The following GGA2 variants were observed in gnomAD, a reference collection of about 807,000 sequenced individuals.
The protein encoded by GGA2 is golgi associated, gamma adaptin ear containing, ARF binding protein 2, also known as ADP-ribosylation factor-binding protein GGA2.
In GGA2, 48 loss-of-function variants were observed where a neutral mutation model predicts 79.5. That is an observed-to-expected ratio of 0.60 (90% CI 0.48 to 0.77). The LOEUF is 0.77. Among genes scored for constraint, GGA2 ranks in the 30% least tolerant of loss-of-function variants. GGA2 has a pLI of 0.00. For missense variants in GGA2, 770 were observed against 774.0 expected (o/e 0.99, Z 0.06); for synonymous variants, 317 against 302.0 (o/e 1.05, Z -0.51).
At chr16:23,494,441 A>C in intron 2 of GGA2, 63 bp from the exon 3 acceptor site, 1 of 1,018,534 alleles carries the variant, frequency 9.8e-7, no homozygotes. Flanking sequence ...CGAGTGGCTG[A>C]GCATGCTCAG....
intron 1 of GGA2, among the ~76,000 whole-genome samples, chr16:23,508,125 C>G (rs1007017520): frequency 8.6e-5 from 13 of 150,672 alleles, no homozygotes; most frequent in African/African-American, 2.7e-4. Context: ...TGCAGCGGTG[C>G]AATCTTGGCT....
chr16:23,504,081 CAAA>C (rs1302041009), intron 1 of GGA2, among the ~76,000 whole-genome samples: 4 of 109,374 alleles, frequency 3.7e-5, no homozygotes, highest in Non-Finnish European at 3.9e-5. Flanking sequence ...AACTCCGTCT[CAAA>C]AAAAAAAAAA....
Position 23,465,622 on chromosome 16 carries a change from T to G in GGA2, c.*1968A>C. On this transcript the variant is annotated 3_prime_UTR_variant, in exon 17 of 17. Coordinates refer to ENST00000309859, the MANE Select transcript of GGA2 (RefSeq NM_015044.4). ...ATTATGATGGGTACCTCTTCAAGAC[T>G]ACGCAACAGTAACAGAGCCTATAAA... 1 of 570,722 alleles carries G rather than the reference T, an allele frequency of 1.8e-6. No homozygotes were observed. The allele number at this position is 570,722 out of a possible 1,614,324, so 35.4% of individuals were successfully genotyped here. A position where few individuals can be genotyped will look rare whatever the true frequency, so the allele number is the denominator to read the frequency against.
chr16:23,465,372 A>C lies in GGA2; in HGVS notation c.*2218T>G, dbSNP rs2142108195. The C allele has an allele frequency of 1.4e-6, 1 of 702,914 alleles. No individual in the cohort carries two copies. The highest frequency in any genetic ancestry group is 2.7e-5 in the East Asian group (1 of 37,288). 43.5% of individuals were successfully genotyped at this position (702,914 alleles called of 1,614,324 possible). ...CTGATTAGAAGGGAGTGATGCCATA[A>C]ACCACAGCCACTTTCAGGACAGCAG... On this transcript the variant is annotated 3_prime_UTR_variant, in exon 17 of 17. Coordinates refer to ENST00000309859, the MANE Select transcript of GGA2 (RefSeq NM_015044.4).
At chr16:23,491,306 CAAAAAA>C (rs35347154) in intron 5 of GGA2, among the ~76,000 whole-genome samples, 2 of 66,504 alleles carry the variant, frequency 3.0e-5, no homozygotes, top group Non-Finnish European at 5.3e-5. Context: ...CACCTTGTCT[CAAAAAA>C]AAAAAAAAAA....
At chr16:23,496,101 G>T (rs962266043) in intron 1 of GGA2, among the ~76,000 whole-genome samples, 14 of 151,936 alleles carry the variant, frequency 9.2e-5, no homozygotes, top group Non-Finnish European at 1.5e-5. Flanking sequence ...AGAAGTTTGA[G>T]ACTAGCCTGA....
chr16:23,486,896 T>C (rs1323765897), intron 6 of GGA2, 106 bp from the exon 7 acceptor site: 1 of 766,148 alleles, frequency 1.3e-6, no homozygotes, highest in Non-Finnish European at 2.4e-6. Flanking sequence ...GCACACATTT[T>C]ACATGCACCA....
chr16:23,490,562 C>G (rs1466245081), intron 5 of GGA2, among the ~76,000 whole-genome samples: 3 of 151,820 alleles, frequency 2.0e-5, no homozygotes, highest in Non-Finnish European at 4.4e-5. Context: ...TGGTGAAACC[C>G]CATCTCTACT....
chr16:23,514,692 T>C (rs1965093305), upstream of GGA2, among the ~76,000 whole-genome samples: 1 of 152,122 alleles, frequency 6.6e-6, no homozygotes, highest in East Asian at 1.9e-4. Flanking sequence ...GCTCAAGCAA[T>C]CCTCCCAAAG....
chr16:23,517,905 TTTATTTATTTAC>T, intron 2 of GGA2, among the ~76,000 whole-genome samples: 1 of 151,738 alleles, frequency 6.6e-6, no homozygotes, highest in South Asian at 2.1e-4. Context: ...GGCCTATTTA[TTTATTTATTTAC>T]TTATTTATTT....
intron 1 of GGA2, among the ~76,000 whole-genome samples, chr16:23,499,269 A>G (rs1964893270): frequency 1.3e-5 from 2 of 151,188 alleles, no homozygotes; most frequent in Non-Finnish European, 1.5e-5. Context: ...CTCAGCCTCT[A>G]GAGTAGCTAG....
At chr16:23,494,440 G>T in intron 2 of GGA2, 62 bp from the exon 3 acceptor site, 1 of 1,034,286 alleles carries the variant, frequency 9.7e-7, no homozygotes, top group Non-Finnish European at 1.5e-6. Flanking sequence ...CCGAGTGGCT[G>T]AGCATGCTCA....
chr16:23,475,059 T>C lies in GGA2; in HGVS notation c.1295A>G (p.Asn432Ser), dbSNP rs1222901415. 4.5e-6 allele frequency: 7 copies of C among 1,568,006 alleles called. No individual in the cohort carries two copies. Among genetic ancestry groups the C allele is most frequent in the Non-Finnish European group, 6.0e-6 (7 of 1,159,166 alleles). Residue 432 changes from asparagine (N) to serine (S), a missense_variant and splice_region_variant, in exon 14 of 17, where the codon AAT becomes AGT. Physicochemically the swap from Asn to Ser is conservative, Grantham distance 46. Transcript: ENST00000309859. ...LSAQPAPCPL[N>S]YVSQKSVPKE... ...GGGGACACTTTTCTGCGAAACATAATTCCTACAAAGAAATAAAAAATATCA... is the reference window on the plus strand; with the variant it reads ...GGGGACACTTTTCTGCGAAACATAACTCCTACAAAGAAATAAAAAATATCA...
chr16:23,511,927 G>C (rs1407435706), upstream of GGA2, among the ~76,000 whole-genome samples: 4 of 151,686 alleles, frequency 2.6e-5, no homozygotes, highest in Admixed American at 1.3e-4. Flanking sequence ...TGTCCCTCCA[G>C]TGAGCGGAAT....
intron 1 of GGA2, chr16:23,500,898 AAAG>A (rs1186223770): frequency 5.4e-6 from 1 of 185,590 alleles, no homozygotes; most frequent in East Asian, 1.7e-4. Context: ...GTGTGCAAGA[AAAG>A]AGGAGCTCTC....
Position 23,510,399 on chromosome 16 carries a change from C to A in GGA2, c.13G>T (p.Ala5Ser), listed in dbSNP as rs1232206926. The A allele has an allele frequency of 2.2e-6, 3 of 1,381,088 alleles. No homozygotes were observed. The highest frequency in any genetic ancestry group is 2.8e-6 in the Non-Finnish European group (3 of 1,061,116). 85.6% of individuals were successfully genotyped at this position (1,381,088 alleles called of 1,614,324 possible). A position where few individuals can be genotyped will look rare whatever the true frequency, so the allele number is the denominator to read the frequency against. MAAT[A>S]VAAAVAGTES... ...GTTCCCGCCACAGCCGCCGCCACCG[C>A]GGTCGCCGCCATCGCTCCAGCCCCG... Residue 5 changes from alanine to serine, a missense_variant, in exon 1 of 17, where the codon GCG (alanine) becomes TCG (serine). Transcript: ENST00000309859.
Position 23,465,543 on chromosome 16 carries a change from G to C in GGA2, c.*2047C>G. Reference sequence around the variant, plus strand: ...TATAGGGGAGAAAGCCTGTCTTTATGTATAAGTCTCATTCACCCATTTTGA... The same window carrying C: ...TATAGGGGAGAAAGCCTGTCTTTATCTATAAGTCTCATTCACCCATTTTGA... On this transcript the variant is annotated 3_prime_UTR_variant, in exon 17 of 17. Transcript: ENST00000309859. 1 of 631,382 alleles carries C rather than the reference G, an allele frequency of 1.6e-6. No homozygotes were observed. The highest frequency in any genetic ancestry group is 1.8e-5 in the South Asian group (1 of 54,540). 39.1% of individuals were successfully genotyped at this position (631,382 alleles called of 1,614,324 possible).
chr16:23,478,972 G>C, intron 11 of GGA2, 61 bp from the exon 12 acceptor site: 1 of 1,116,346 alleles, frequency 9.0e-7, no homozygotes, highest in Non-Finnish European at 1.4e-6. Flanking sequence ...CAGATGAAGA[G>C]TAATGCCACA....
rs543779471 is a variant in GGA2 at position 23,468,523 on chromosome 16, G to T, written c.1731+363C>A. ...GAGTCTTGCTCTGTTGCCCAGGCTG[G>T]AGTGCAGTAGTGCGATCTCGGCTCA... On this transcript the variant is annotated intron_variant, in intron 16 of 16. Coordinates refer to ENST00000309859, the MANE Select transcript of GGA2 (RefSeq NM_015044.4). Among the ~76,000 whole-genome samples the T allele has an allele frequency of 7.9e-5, 12 of 151,162 alleles. No homozygotes were observed. The South Asian group carries it at 2.5e-3, about 32-fold the overall frequency.
Sources: gnomAD v4.1 joint callset for allele counts (sites outside exome capture counted in the v4.1 genomes callset) on GRCh38, gnomAD v4.1.1 for gene constraint, MANE v1.5 for transcripts, NCBI Gene and HGNC (gene_info 2026-07-23, HGNC 2026-07-21) for gene names.